Variants in GSK3B observed in about 807,000 individuals in gnomAD.
GSK3B encodes the protein glycogen synthase kinase 3 beta.
Under a neutral mutation model 56.4 loss-of-function variants are expected in GSK3B, and 15 were observed. That is an observed-to-expected ratio of 0.27 (90% CI 0.18 to 0.41). GSK3B has a LOEUF of 0.41. Ranked by LOEUF, GSK3B falls within the 10% of genes least tolerant of loss-of-function variation. GSK3B has a pLI of 1.00. For synonymous variants in GSK3B, 181 were observed against 188.9 expected (o/e 0.96, Z 0.34); for missense variants, 300 against 513.4 (o/e 0.58, Z 4.02).
intron 2 of GSK3B, among the ~76,000 whole-genome samples, chr3:120,000,818 T>G (rs945153576): frequency 1.4e-5 from 1 of 72,772 alleles, no homozygotes; most frequent in Non-Finnish European, 2.8e-5. Context: ...AAAGGGAAGA[T>G]AGCAAAAAAA....
Position 119,826,871 on chromosome 3 carries a change from T to C in GSK3B, c.1196-16A>G. 6.4e-7 allele frequency: 1 copy of C among 1,559,396 alleles called. No individual in the cohort carries two copies. On this transcript the variant is annotated splice_polypyrimidine_tract_variant and intron_variant, in intron 10 of 10. Coordinates refer to ENST00000264235, the MANE Select transcript of GSK3B (RefSeq NM_001146156.2). Reference sequence around the variant, plus strand: ...GTATTAGCATCTGCAAGTCAAAAAGTCCCAAGAGAGAGCATGAGCAATGCT... The same window carrying C: ...GTATTAGCATCTGCAAGTCAAAAAGCCCCAAGAGAGAGCATGAGCAATGCT...
chr3:120,066,106 A>G (rs1383839044), intron 1 of GSK3B, among the ~76,000 whole-genome samples: 1 of 152,184 alleles, frequency 6.6e-6, no homozygotes, highest in African/African-American at 2.4e-5. Context: ...ATACAACGCT[A>G]TATGTATTTT....
intron 1 of GSK3B, among the ~76,000 whole-genome samples, chr3:120,005,744 C>T (rs2057721574): frequency 6.6e-6 from 1 of 152,146 alleles, no homozygotes; most frequent in South Asian, 2.1e-4. Flanking sequence ...TTTGTCACCA[C>T]CAGGCCTGCC....
Position 120,045,751 on chromosome 3 carries a change from C to G in GSK3B, c.89-43512G>C, listed in dbSNP as rs141288192. 1.1e-4 allele frequency among the ~76,000 whole-genome samples: 16 copies of G among 152,292 alleles called. No individual in the cohort carries two copies. The East Asian group carries it at 2.9e-3, about 28-fold the overall frequency. On this transcript the variant is annotated intron_variant, in intron 1 of 10. Coordinates refer to ENST00000264235, the MANE Select transcript of GSK3B (RefSeq NM_001146156.2). ...ACTTTGCAGCACCAAGCATTTACTTCCAACATGTCTACACAAAAAAGTGAA... is the reference window on the plus strand; with the variant it reads ...ACTTTGCAGCACCAAGCATTTACTTGCAACATGTCTACACAAAAAAGTGAA...
chr3:120,041,975 C>G (rs1359212401), intron 1 of GSK3B, among the ~76,000 whole-genome samples: 1 of 152,194 alleles, frequency 6.6e-6, no homozygotes, highest in Non-Finnish European at 1.5e-5. Context: ...TGGGGTGGCT[C>G]ATACATTTGG....
intron 3 of GSK3B, among the ~76,000 whole-genome samples, chr3:119,946,792 CT>C (rs1267233679): frequency 1.3e-5 from 2 of 152,102 alleles, no homozygotes; most frequent in Non-Finnish European, 2.9e-5. Context: ...AATATTACAT[CT>C]TTTCCAACTT....
intron 2 of GSK3B, among the ~76,000 whole-genome samples, chr3:119,996,757 A>T (rs2057621170): frequency 6.6e-6 from 1 of 152,142 alleles, no homozygotes; most frequent in African/African-American, 2.4e-5. Context: ...CTTAAAAAGG[A>T]ATAGTGATGA....
rs1276469870 is a variant in GSK3B at position 119,871,337 on chromosome 3, A to G, written c.909+5076T>C. On this transcript the variant is annotated intron_variant, in intron 8 of 10. Coordinates refer to ENST00000264235, the MANE Select transcript of GSK3B (RefSeq NM_001146156.2). Reference sequence around the variant, plus strand: ...AGTATGCAAGGATTAATTTTTGTGAATAATGCTTTCTGGGAGACTTACCAA... The same window carrying G: ...AGTATGCAAGGATTAATTTTTGTGAGTAATGCTTTCTGGGAGACTTACCAA... Among the ~76,000 whole-genome samples, 4 of 152,234 alleles carry G rather than the reference A, an allele frequency of 2.6e-5. No individual in the cohort carries two copies. In the East Asian group the frequency reaches 7.7e-4, roughly 29 times the overall value.
At chr3:120,055,231 T>C (rs1490638854) in intron 1 of GSK3B, among the ~76,000 whole-genome samples, 2 of 152,176 alleles carry the variant, frequency 1.3e-5, no homozygotes, top group African/African-American at 4.8e-5. Context: ...GGAACACAGC[T>C]GTCAATAAAA....
chr3:119,824,808 G>A lies in GSK3B; in HGVS notation c.*1980C>T, dbSNP rs1434165047. On this transcript the variant is annotated 3_prime_UTR_variant, in exon 11 of 11. Coordinates refer to ENST00000264235, the MANE Select transcript of GSK3B (RefSeq NM_001146156.2). ...TGGCCCAAGACCTCAGCTAAACAGCGAGTGAAAACCAAGATGGCTCACAGT... is the reference window on the plus strand; with the variant it reads ...TGGCCCAAGACCTCAGCTAAACAGCAAGTGAAAACCAAGATGGCTCACAGT... The A allele has an allele frequency of 1.1e-5, 2 of 184,900 alleles. No individual in the cohort carries two copies. The highest frequency in any genetic ancestry group is 2.3e-5 in the Non-Finnish European group (2 of 87,286). The allele number at this position is 184,900 out of a possible 1,614,324, so 11.5% of individuals were successfully genotyped here.
intron 2 of GSK3B, among the ~76,000 whole-genome samples, chr3:119,996,229 T>G (rs1351612482): frequency 6.6e-6 from 1 of 152,246 alleles, no homozygotes; most frequent in Admixed American, 6.5e-5. Context: ...AAGTTGCAAG[T>G]TTCAAGTGTT....
At chr3:120,085,515 A>G (rs1485950943) in intron 1 of GSK3B, among the ~76,000 whole-genome samples, 1 of 152,224 alleles carries the variant, frequency 6.6e-6, no homozygotes, top group African/African-American at 2.4e-5. Context: ...TCATGAAGAA[A>G]GTGTTAATCA....
chr3:119,969,848 T>C (rs1314314959), intron 2 of GSK3B, among the ~76,000 whole-genome samples: 4 of 152,192 alleles, frequency 2.6e-5, no homozygotes, highest in African/African-American at 9.7e-5. Context: ...AATGGAAAAT[T>C]CCAGGAATAA....
intron 1 of GSK3B, among the ~76,000 whole-genome samples, chr3:120,031,889 AT>A (rs2057979276): frequency 6.6e-6 from 1 of 152,230 alleles, no homozygotes; most frequent in South Asian, 2.1e-4. Context: ...AAATAAAAGA[AT>A]GAGCAAAATA....
In GSK3B at chr3:119,977,694, A is replaced by G. The variant is rs190853597; in HGVS notation, c.282+24352T>C. ...TCAGCAAATAGATTTTTTACAAGTG[A>G]CTTAAATGGCTATATAAAATACTAA... On this transcript the variant is annotated intron_variant, in intron 2 of 10. Coordinates refer to ENST00000264235, the MANE Select transcript of GSK3B (RefSeq NM_001146156.2). Among the ~76,000 whole-genome samples, 8 of 152,306 alleles carry G rather than the reference A, an allele frequency of 5.3e-5. No individual in the cohort carries two copies. The East Asian group carries it at 1.5e-3, about 29-fold the overall frequency.
intron 2 of GSK3B, among the ~76,000 whole-genome samples, chr3:119,958,677 C>A (rs1468117923): frequency 1.3e-5 from 2 of 151,860 alleles, no homozygotes; most frequent in African/African-American, 4.8e-5. Context: ...GACCCTGTCT[C>A]TCCCTCGACC....
At chr3:119,891,411 A>T (rs1259101641) in intron 7 of GSK3B, among the ~76,000 whole-genome samples, 1 of 152,118 alleles carries the variant, frequency 6.6e-6, no homozygotes, top group Non-Finnish European at 1.5e-5. Context: ...ACCTCTGAGT[A>T]TATCTTTAGG....
intron 2 of GSK3B, among the ~76,000 whole-genome samples, chr3:119,995,496 C>A (rs1220227548): frequency 6.6e-6 from 1 of 151,670 alleles, no homozygotes; most frequent in African/African-American, 2.4e-5. Flanking sequence ...GACGGAGTCT[C>A]ACTCTGTCAC....
At chr3:119,857,627 T>C (rs756650332) in intron 9 of GSK3B, among the ~76,000 whole-genome samples, 2 of 152,212 alleles carry the variant, frequency 1.3e-5, no homozygotes, top group Non-Finnish European at 2.9e-5. Flanking sequence ...CTCAGAGTTA[T>C]CCATGAGGCT....
Sources: allele counts gnomAD v4.1 joint callset (sites outside exome capture counted in the v4.1 genomes callset), GRCh38; gene constraint gnomAD v4.1.1; transcripts MANE v1.5; gene names NCBI Gene and HGNC (gene_info 2026-07-23, HGNC 2026-07-21).